Variants in GLRA3 observed in about 807,000 individuals in gnomAD.
The protein encoded by GLRA3 is glycine receptor subunit alpha-3.
Under a neutral mutation model 60.4 loss-of-function variants are expected in GLRA3, and 44 were observed. That is an observed-to-expected ratio of 0.73 (90% confidence interval 0.57 to 0.94). GLRA3 has a LOEUF of 0.94. GLRA3 is among the 40% of genes least tolerant of loss of function. GLRA3 has a pLI of 0.00. For synonymous variants in GLRA3, 223 were observed against 192.9 expected (o/e 1.16, Z -1.29); for missense variants, 508 against 564.6 (o/e 0.90, Z 1.02).
chr4:174,828,512 T>C (rs1162895516), intron 1 of GLRA3, among the ~76,000 whole-genome samples: 3 of 152,106 alleles, frequency 2.0e-5, no homozygotes, highest in Non-Finnish European at 4.4e-5. Context: ...CAGCTGCAAA[T>C]AACGCAAGAT....
intron 1 of GLRA3, among the ~76,000 whole-genome samples, chr4:174,797,086 A>G (rs1739601526): frequency 6.6e-6 from 1 of 152,124 alleles, no homozygotes; most frequent in Non-Finnish European, 1.5e-5. Flanking sequence ...AGCCCACATC[A>G]TTTGTACACA....
chr4:174,698,143 T>G (rs191067799), intron 5 of GLRA3, among the ~76,000 whole-genome samples: 7 of 152,254 alleles, frequency 4.6e-5, no homozygotes, highest in Admixed American at 3.9e-4. Flanking sequence ...GAATAGAGAA[T>G]AGTAAGGCAA....
intron 3 of GLRA3, among the ~76,000 whole-genome samples, chr4:174,744,915 T>C (rs1737177534): frequency 6.6e-6 from 1 of 152,066 alleles, no homozygotes; most frequent in Non-Finnish European, 1.5e-5. Context: ...AGAAAAACAA[T>C]TCAGGATATG....
chr4:174,778,669 G>A (rs924899218), intron 2 of GLRA3, among the ~76,000 whole-genome samples: 2 of 152,232 alleles, frequency 1.3e-5, no homozygotes, highest in Non-Finnish European at 2.9e-5. Flanking sequence ...CTTGGGAAGT[G>A]CAAGGGGTCA....
intron 4 of GLRA3, among the ~76,000 whole-genome samples, chr4:174,727,634 G>T (rs993167939): frequency 3.3e-5 from 5 of 152,054 alleles, no homozygotes; most frequent in Admixed American, 6.6e-5. Flanking sequence ...GATTTTTTCA[G>T]ATGTGACAAA....
intron 1 of GLRA3, among the ~76,000 whole-genome samples, chr4:174,805,992 C>T (rs553889008): frequency 3.9e-5 from 6 of 152,100 alleles, no homozygotes; most frequent in East Asian, 1.9e-4. Context: ...AGCCTTTGTC[C>T]GGATATTACT....
chr4:174,748,019 A>G (rs1487915121), intron 3 of GLRA3, among the ~76,000 whole-genome samples: 6 of 152,038 alleles, frequency 3.9e-5, no homozygotes, highest in Non-Finnish European at 5.9e-5. Context: ...TGACTGGACA[A>G]TTACCACTAT....
chr4:174,640,144 G>A lies in GLRA3; in HGVS notation c.*3642C>T, dbSNP rs1361933165. On this transcript the variant is annotated 3_prime_UTR_variant, in exon 10 of 10. Coordinates refer to ENST00000274093, the MANE Select transcript of GLRA3 (RefSeq NM_006529.4). ...TATTATCTATGTTGCAAAGAGTGTG[G>A]AATCACTTTTGGAGTAGAAGATATC... is the stretch of plus-strand genomic sequence containing the variant. 6.6e-6 allele frequency: 1 copy of A among 151,998 alleles called. No individual in the cohort carries two copies. The highest frequency in any genetic ancestry group is 1.9e-4 in the East Asian group (1 of 5,196). The allele number at this position is 151,998 out of a possible 1,614,324, so 9.4% of individuals were successfully genotyped here.
At chr4:174,649,734 A>G (rs565993609) in intron 9 of GLRA3, among the ~76,000 whole-genome samples, 1 of 152,264 alleles carries the variant, frequency 6.6e-6, no homozygotes, top group South Asian at 2.1e-4. Flanking sequence ...GGTGAAAACT[A>G]TTCAAGAGTT....
At chr4:174,700,758 T>C (rs1397786035) in intron 5 of GLRA3, among the ~76,000 whole-genome samples, 1 of 152,182 alleles carries the variant, frequency 6.6e-6, no homozygotes, top group Non-Finnish European at 1.5e-5. Flanking sequence ...ATTGAAGATA[T>C]GGAGAAAGTT....
rs77855114 is a variant in GLRA3, at chr4:174,717,706, C to T, written c.492-2136G>A. On this transcript the variant is annotated intron_variant, in intron 4 of 9. Coordinates refer to ENST00000274093, the MANE Select transcript of GLRA3 (RefSeq NM_006529.4). ...TTCAAAAGGAATTTTTCTCCTGGCT[C>T]AGCTAGGTTAAGTATGATTGTGTAA... Among the ~76,000 whole-genome samples, 149 of 152,246 alleles carry T rather than the reference C, an allele frequency of 9.8e-4. 4 individuals carry two copies. The East Asian group carries it at 0.023, about 24-fold the overall frequency.
Position 174,659,074 on chromosome 4 carries a change from G to GAAATCTCAGAAGTTCTTTT in GLRA3, c.1050_1051insAAAAGAACTTCTGAGATTT (p.Arg351LysfsTer13). The GAAATCTCAGAAGTTCTTTT allele has an allele frequency of 1.2e-6, 2 of 1,612,520 alleles. No homozygotes were observed. The highest frequency in any genetic ancestry group is 1.7e-6 in the Non-Finnish European group (2 of 1,179,108). On this transcript the variant is annotated frameshift_variant, in exon 8 of 10. Coordinates refer to ENST00000274093, the MANE Select transcript of GLRA3 (RefSeq NM_006529.4). LOFTEE classifies it high-confidence loss of function. ...CTTACCTTATTCTTTCTCTTTCGTC[G>GAAATCTCAGAAGTTCTTTT]AAATCTCAGAAGTTCTTTGTGTTGT...
Position 174,728,702 on chromosome 4 carries a change from T to A in GLRA3, c.268-4A>T. On this transcript the variant is annotated splice_region_variant and splice_polypyrimidine_tract_variant and intron_variant, in intron 3 of 9. Transcript: ENST00000274093. Reference sequence around the variant, plus strand: ...GAAAGATATTCACTCTGTAATCCTATGATAAAATAATGAAAGAAAGAAAAA... The same window carrying A: ...GAAAGATATTCACTCTGTAATCCTAAGATAAAATAATGAAAGAAAGAAAAA... The A allele has an allele frequency of 4.0e-6, 6 of 1,495,940 alleles. No individual in the cohort carries two copies. Among genetic ancestry groups the A allele is most frequent in the Non-Finnish European group, 5.5e-6 (6 of 1,100,564 alleles). 92.7% of individuals were successfully genotyped at this position (1,495,940 alleles called of 1,614,324 possible). A position where few individuals can be genotyped will look rare whatever the true frequency, so the allele number is the denominator to read the frequency against.
At chr4:174,730,892 G>A (rs886944959) in intron 3 of GLRA3, among the ~76,000 whole-genome samples, 3 of 152,122 alleles carry the variant, frequency 2.0e-5, no homozygotes, top group Non-Finnish European at 4.4e-5. Flanking sequence ...TGTCATTCAT[G>A]ACAGCATGGA....
intron 4 of GLRA3, among the ~76,000 whole-genome samples, chr4:174,719,867 C>T (rs768752032): frequency 7.2e-5 from 11 of 152,002 alleles, no homozygotes; most frequent in Non-Finnish European, 1.0e-4. Context: ...AATTGATTAC[C>T]CTTGAATAAA....
intron 6 of GLRA3, among the ~76,000 whole-genome samples, chr4:174,681,350 C>G (rs1353321180): frequency 6.6e-6 from 1 of 152,096 alleles, no homozygotes; most frequent in Non-Finnish European, 1.5e-5. Context: ...GATTCATGTC[C>G]ACCCAGAATG....
At chr4:174,720,887 G>A (rs140000845) in intron 4 of GLRA3, among the ~76,000 whole-genome samples, 233 of 152,264 alleles carry the variant, frequency 1.5e-3, no homozygotes, top group Middle Eastern at 0.01. Flanking sequence ...GTATATGAAT[G>A]TGAGTGGTAG....
chr4:174,692,504 A>G (rs910795826), intron 5 of GLRA3, among the ~76,000 whole-genome samples: 9 of 149,806 alleles, frequency 6.0e-5, no homozygotes, highest in Non-Finnish European at 8.9e-5. Context: ...GAAAGGGGGG[A>G]AAGGTGGGGA....
At position 174,636,985 on chromosome 4, in the gene GLRA3, T is replaced by C. The variant is rs1246500497; in HGVS notation, c.*6801A>G. ...ATCTATAGTTACATGTTAAATACTT[T>C]ATACTGTTCACAGGTTAATGACTCT... On this transcript the variant is annotated 3_prime_UTR_variant, in exon 10 of 10. Transcript: ENST00000274093. 4.6e-5 allele frequency: 7 copies of C among 152,348 alleles called. No homozygotes were observed. The highest frequency in any genetic ancestry group is 7.4e-5 in the Non-Finnish European group (5 of 68,020). 9.4% of individuals were successfully genotyped at this position (152,348 alleles called of 1,614,324 possible). A position where few individuals can be genotyped will look rare whatever the true frequency, so the allele number is the denominator to read the frequency against.
Sources: allele counts gnomAD v4.1 joint callset (sites outside exome capture counted in the v4.1 genomes callset), GRCh38; gene constraint gnomAD v4.1.1; transcripts MANE v1.5; gene names NCBI Gene and HGNC (gene_info 2026-07-23, HGNC 2026-07-21).